The following USH2A variants were observed in gnomAD, a reference collection of about 807,000 sequenced individuals.
The protein encoded by USH2A is usherin.
USH2A carries 443 observed loss-of-function variants against 538.9 expected under a neutral mutation model. That is an observed-to-expected ratio of 0.82 (90% confidence interval 0.76 to 0.89). The LOEUF (loss-of-function observed/expected upper bound fraction) is 0.89, where lower values mean the gene tolerates loss of function less well. USH2A is among the 40% of genes least tolerant of loss of function. USH2A has a pLI of 0.00. For synonymous variants in USH2A, 2,413 were observed against 2,273.5 expected (o/e 1.06, Z -1.75); for missense variants, 6,633 against 6,324.8 (o/e 1.05, Z -1.65).
intron 40 of USH2A, among the ~76,000 whole-genome samples, chr1:215,890,132 G>C (rs1304171872): frequency 6.6e-6 from 1 of 151,990 alleles, no homozygotes; most frequent in African/African-American, 2.4e-5. Flanking sequence ...TATAAACCAC[G>C]GCCTGAAATC....
chr1:216,301,993 TA>T (rs1411846000), intron 9 of USH2A, among the ~76,000 whole-genome samples: 2 of 152,224 alleles, frequency 1.3e-5, no homozygotes, highest in Non-Finnish European at 2.9e-5. Context: ...ATTTGTCTAC[TA>T]GGTAGAGAAA....
At chr1:216,230,756 C>G (rs183001005) in intron 14 of USH2A, among the ~76,000 whole-genome samples, 16 of 152,104 alleles carry the variant, frequency 1.1e-4, no homozygotes, top group Admixed American at 9.2e-4. Flanking sequence ...TATTGAGAGA[C>G]AGATTTGACT....
At chr1:215,686,770 A>G (rs1658436593) in intron 61 of USH2A, among the ~76,000 whole-genome samples, 1 of 152,122 alleles carries the variant, frequency 6.6e-6, no homozygotes, top group African/African-American at 2.4e-5. Context: ...TATTCAGCCA[A>G]TAAGTATAGA....
At chr1:215,986,229 C>T (rs993835929) in intron 35 of USH2A, among the ~76,000 whole-genome samples, 12 of 152,060 alleles carry the variant, frequency 7.9e-5, no homozygotes, top group African/African-American at 2.9e-4. Context: ...AAGCGATTCT[C>T]ATGCCCCAGC....
intron 55 of USH2A, among the ~76,000 whole-genome samples, chr1:215,767,207 AC>A (rs1049950677): frequency 2.7e-5 from 4 of 147,576 alleles, no homozygotes; most frequent in African/African-American, 9.7e-5. Context: ...TATCACTTTC[AC>A]CCCTGGGGAC....
chr1:215,812,458 A>G (rs1346138546), intron 49 of USH2A, among the ~76,000 whole-genome samples: 1 of 152,146 alleles, frequency 6.6e-6, no homozygotes, highest in Non-Finnish European at 1.5e-5. Context: ...CACGCCTTCT[A>G]TATTTGCTCC....
At chr1:215,768,057 CTG>C (rs75565097) in intron 55 of USH2A, among the ~76,000 whole-genome samples, 8,617 of 152,150 alleles carry the variant, frequency 0.057, 543 homozygotes, top group African/African-American at 0.15. Context: ...GGTGGAATGA[CTG>C]TTCCTTCAGA....
chr1:215,875,924 T>C (rs1393561883), intron 43 of USH2A, among the ~76,000 whole-genome samples: 1 of 136,256 alleles, frequency 7.3e-6, no homozygotes, highest in Non-Finnish European at 1.6e-5. Flanking sequence ...ATAATATATA[T>C]TGATTATTAT....
At chr1:215,691,212 T>C (rs932292086) in intron 61 of USH2A, among the ~76,000 whole-genome samples, 1 of 151,922 alleles carries the variant, frequency 6.6e-6, no homozygotes, top group African/African-American at 2.4e-5. Flanking sequence ...TAAATCCTCA[T>C]TGTCCACATA....
At chr1:216,087,941 T>C (rs1249347993) in intron 23 of USH2A, among the ~76,000 whole-genome samples, 1 of 152,152 alleles carries the variant, frequency 6.6e-6, no homozygotes, top group African/African-American at 2.4e-5. Context: ...TATGTCATTC[T>C]TCCCTCAAAA....
At chr1:215,765,568 T>A (rs1004803739) in intron 56 of USH2A, among the ~76,000 whole-genome samples, 1 of 152,156 alleles carries the variant, frequency 6.6e-6, no homozygotes, top group Non-Finnish European at 1.5e-5. Context: ...ATAATGAAGA[T>A]TAACAAAATA....
chr1:215,796,637 T>C (rs1571695176), intron 50 of USH2A, among the ~76,000 whole-genome samples: 1 of 152,182 alleles, frequency 6.6e-6, no homozygotes, highest in East Asian at 1.9e-4. Flanking sequence ...CACAGCAATA[T>C]TAAAATTAGG....
intron 43 of USH2A, among the ~76,000 whole-genome samples, chr1:215,870,925 T>C (rs77398066): frequency 3.9e-5 from 6 of 152,190 alleles, no homozygotes; most frequent in African/African-American, 1.2e-4. Flanking sequence ...ACAAAACTTA[T>C]GTGTATCAAT....
intron 32 of USH2A, among the ~76,000 whole-genome samples, chr1:216,029,602 T>G (rs1473062108): frequency 6.6e-6 from 1 of 151,978 alleles, no homozygotes; most frequent in Non-Finnish European, 1.5e-5. Context: ...GCCACAAGAT[T>G]TAAGCAAGGT....
chr1:216,320,845 A>T (rs2037592964), intron 9 of USH2A, among the ~76,000 whole-genome samples: 3 of 152,078 alleles, frequency 2.0e-5, no homozygotes, highest in Admixed American at 2.0e-4. Flanking sequence ...ACATGATGCA[A>T]ATATTTTCTA....
intron 3 of USH2A, among the ~76,000 whole-genome samples, chr1:216,405,003 T>C (rs748391676): frequency 1.3e-4 from 20 of 151,114 alleles, no homozygotes; most frequent in Non-Finnish European, 2.9e-4. Flanking sequence ...GCCTCCCCCA[T>C]AGGTGGAACT....
chr1:216,101,757 G>A (rs1377588423), intron 21 of USH2A, among the ~76,000 whole-genome samples: 11 of 152,160 alleles, frequency 7.2e-5, no homozygotes, highest in Admixed American at 7.2e-4. Context: ...TTGGTTTCTA[G>A]TGTTTAAACA....
chr1:216,078,573 G>A (rs2031832756), intron 26 of USH2A, among the ~76,000 whole-genome samples: 1 of 152,060 alleles, frequency 6.6e-6, no homozygotes, highest in South Asian at 2.1e-4. Flanking sequence ...TTGTATTGAT[G>A]CAAACAAATT....
chr1:215,901,041 A>C, intron 38 of USH2A, 136 bp from the exon 39 acceptor site: 1 of 1,069,750 alleles, frequency 9.3e-7, no homozygotes, highest in Non-Finnish European at 1.4e-6. Flanking sequence ...CATTTAATTT[A>C]ACATTTTCAT....
Sources: gnomAD v4.1 joint callset for allele counts (sites outside exome capture counted in the v4.1 genomes callset) on GRCh38, gnomAD v4.1.1 for gene constraint, MANE v1.5 for transcripts, NCBI Gene and HGNC (gene_info 2026-07-23, HGNC 2026-07-21) for gene names.